Variants in PCDHGB5 observed in about 807,000 individuals in gnomAD.
PCDHGB5 encodes the protein protocadherin gamma-B5.
PCDHGB5 carries 48 observed loss-of-function variants against 62.9 expected under a neutral mutation model. The ratio of observed to expected loss-of-function variants is 0.76; its 90% CI spans 0.61 to 0.97. The LOEUF (loss-of-function observed/expected upper bound fraction) is 0.97, where lower values mean the gene tolerates loss of function less well. PCDHGB5 is among the 50% of genes least tolerant of loss of function. The pLI is 0.00. For synonymous variants in PCDHGB5, 474 were observed against 511.2 expected (o/e 0.93, Z 0.98); for missense variants, 1,118 against 1,198.6 (o/e 0.93, Z 0.99).
At chr5:141,505,348 G>A (rs1414647950) in intron 2 of PCDHGB5, 45 bp from the exon 3 acceptor site, 1 of 1,613,358 alleles carries the variant, frequency 6.2e-7, no homozygotes, top group Admixed American at 1.7e-5. Context: ...GGCATGAGCT[G>A]TGCCGGCCTG....
At chr5:141,510,580 G>A (rs947369646) in intron 3 of PCDHGB5, among the ~76,000 whole-genome samples, 7 of 152,248 alleles carry the variant, frequency 4.6e-5, no homozygotes, top group South Asian at 2.1e-4. Flanking sequence ...ACTATTTTAC[G>A]TACCTGACAT....
At chr5:141,464,279 C>CA (rs373828487) in intron 1 of PCDHGB5, among the ~76,000 whole-genome samples, 31,576 of 137,520 alleles carry the variant, frequency 0.23, 3,494 homozygotes, top group African/African-American at 0.28. Context: ...AAAAAAAAAG[C>CA]AAAAAAAAAA....
Position 141,417,931 on chromosome 5 carries a change from G to C in PCDHGB5, c.2397+17407G>C, listed in dbSNP as rs551432799. The C allele has an allele frequency of 6.2e-6, 10 of 1,611,500 alleles. No homozygotes were observed. In the South Asian group the frequency reaches 9.9e-5, roughly 16 times the overall value. On this transcript the variant is annotated intron_variant, in intron 1 of 3. Transcript: ENST00000617380. ...TACTATTTCCTTTGCTGCTGCCTTT[G>C]TTCTACCCCACGCTGTGTGAGCCGA...
At chr5:141,460,483 C>G (rs2098990314) in intron 1 of PCDHGB5, among the ~76,000 whole-genome samples, 1 of 152,046 alleles carries the variant, frequency 6.6e-6, no homozygotes, top group African/African-American at 2.4e-5. Flanking sequence ...ATCCAATTGT[C>G]TCTTTGGAAA....
At position 141,490,840 on chromosome 5, in the gene PCDHGB5, G is replaced by C. The variant is rs1177428192; in HGVS notation, c.2398-3967G>C. On this transcript the variant is annotated intron_variant, in intron 1 of 3. Transcript: ENST00000617380. This position sits in a 1 kb window ranked among gnomAD's most constrained non-coding sequence, Gnocchi z 5.4. Reference sequence around the variant, plus strand: ...ATTGCTGCAGATGCTGCAGATTGTGGTGGGGGTTCGAGACTCCGGCTCTCC... The same window carrying C: ...ATTGCTGCAGATGCTGCAGATTGTGCTGGGGGTTCGAGACTCCGGCTCTCC... 2 of 1,613,900 alleles carry C rather than the reference G, an allele frequency of 1.2e-6. No homozygotes were observed. Among genetic ancestry groups the C allele is most frequent in the Middle Eastern group, 3.3e-4 (2 of 6,058 alleles).
rs1368226100 is a variant in PCDHGB5, at chr5:141,511,268, C to T, written c.*95C>T. The stretch of plus-strand genomic sequence containing the variant: ...CAGGCCTCAGAGTTTCAGGGCTAAC[C>T]CCCAGAATACTGGTAGGGGCCAAGG... On this transcript the variant is annotated 3_prime_UTR_variant, in exon 4 of 4. Coordinates refer to ENST00000617380, the MANE Select transcript of PCDHGB5 (RefSeq NM_018925.3). 1.9e-6 allele frequency: 3 copies of T among 1,546,408 alleles called. No individual in the cohort carries two copies. The highest frequency in any genetic ancestry group is 2.4e-5 in the East Asian group (1 of 41,246).
At chr5:141,410,191 C>T in intron 1 of PCDHGB5, 1 of 1,613,994 alleles carries the variant, frequency 6.2e-7, no homozygotes, top group Non-Finnish European at 8.5e-7. Context: ...TTCATCTGGT[C>T]TTCGCAGACA....
Position 141,486,316 on chromosome 5 carries a change from A to G in PCDHGB5, c.2398-8491A>G, listed in dbSNP as rs1251956899. The G allele has an allele frequency of 6.2e-7, 1 of 1,614,066 alleles. No individual in the cohort carries two copies. On this transcript the variant is annotated intron_variant, in intron 1 of 3. Transcript: ENST00000617380. This position sits in a 1 kb window ranked among gnomAD's most constrained non-coding sequence, Gnocchi z 5.0. ...GTGTGCAGGATCCAGACTCAGGGTC[A>G]AACGGAGATGTGAGCCTCCGCATTC...
intron 1 of PCDHGB5, among the ~76,000 whole-genome samples, chr5:141,464,155 C>T (rs2099076990): frequency 1.3e-5 from 2 of 151,614 alleles, no homozygotes; most frequent in African/African-American, 4.8e-5. Flanking sequence ...GTCCCAGCTA[C>T]TTGGAAGGCT....
chr5:141,415,649 A>G (rs1179309556), intron 1 of PCDHGB5: 1 of 1,597,606 alleles, frequency 6.3e-7, no homozygotes, highest in Non-Finnish European at 8.5e-7. Context: ...GTTAAAAAAA[A>G]AAAGATTGGT....
rs3074541 is a variant in PCDHGB5 at position 141,433,358 on chromosome 5, CCTATCTATCTATCTATCTATCTAT to C, written c.2397+32859_2397+32882del. 6 of 503,934 alleles carry C rather than the reference CCTATCTATCTATCTATCTATCTAT, an allele frequency of 1.2e-5. No homozygotes were observed. In the Admixed American group the frequency reaches 1.5e-4, roughly 12 times the overall value. The allele number at this position is 503,934 out of a possible 1,614,324, so 31.2% of individuals were successfully genotyped here. ...ACAGGTGCAAGCCACCTACTGTCTG[CCTATCTATCTATCTATCTATCTAT>C]CTATCTATCTATCTATCTATCTATT... On this transcript the variant is annotated intron_variant, in intron 1 of 3. Transcript: ENST00000617380.
chr5:141,450,568 C>A (rs2098685790), intron 1 of PCDHGB5, among the ~76,000 whole-genome samples: 1 of 152,002 alleles, frequency 6.6e-6, no homozygotes. Flanking sequence ...CTCACTGCAA[C>A]TTCTGCCTCC....
chr5:141,446,821 T>C lies in PCDHGB5; in HGVS notation c.2397+46297T>C, dbSNP rs183143971. ...CATTGTGATCATCTAGTCAGATGGG[T>C]AGATCCTTATAAGGCTGAGCATAAT... On this transcript the variant is annotated intron_variant, in intron 1 of 3. Coordinates refer to ENST00000617380, the MANE Select transcript of PCDHGB5 (RefSeq NM_018925.3). 1.6e-3 allele frequency among the ~76,000 whole-genome samples: 244 copies of C among 152,302 alleles called. 2 individuals carry two copies. The highest frequency in any genetic ancestry group is 5.4e-3 in the African/African-American group (223 of 41,572).
intron 1 of PCDHGB5, among the ~76,000 whole-genome samples, chr5:141,401,385 T>A (rs965055223): frequency 6.6e-6 from 1 of 152,182 alleles, no homozygotes; most frequent in Non-Finnish European, 1.5e-5. Flanking sequence ...AGAAAAATAC[T>A]ACATGTTATG....
intron 1 of PCDHGB5, among the ~76,000 whole-genome samples, chr5:141,483,361 A>C (rs752805137): frequency 4.6e-5 from 7 of 152,102 alleles, no homozygotes; most frequent in Non-Finnish European, 7.4e-5. Flanking sequence ...TTTGAAAGCT[A>C]TTGCAATATT....
chr5:141,443,163 T>C (rs1054542792), intron 1 of PCDHGB5, among the ~76,000 whole-genome samples: 3 of 152,172 alleles, frequency 2.0e-5, no homozygotes, highest in Non-Finnish European at 4.4e-5. Context: ...TTTATTTCCC[T>C]ACCCATGTCC....
Position 141,511,285 on chromosome 5 carries a change from G to C in PCDHGB5, c.*112G>C. On this transcript the variant is annotated 3_prime_UTR_variant, in exon 4 of 4. Coordinates refer to ENST00000617380, the MANE Select transcript of PCDHGB5 (RefSeq NM_018925.3). Reference sequence around the variant, plus strand: ...GGGCTAACCCCCAGAATACTGGTAGGGGCCAAGGCCATGCTCCCCTTGGGA... The same window carrying C: ...GGGCTAACCCCCAGAATACTGGTAGCGGCCAAGGCCATGCTCCCCTTGGGA... 1 of 1,521,904 alleles carries C rather than the reference G, an allele frequency of 6.6e-7. No homozygotes were observed. The highest frequency in any genetic ancestry group is 8.8e-7 in the Non-Finnish European group (1 of 1,131,664). 94.3% of individuals were successfully genotyped at this position (1,521,904 alleles called of 1,614,324 possible).
chr5:141,414,751 T>C (rs2095785645), intron 1 of PCDHGB5: 4 of 1,614,084 alleles, frequency 2.5e-6, no homozygotes, highest in Non-Finnish European at 1.7e-6. Flanking sequence ...ATCCTTCGAC[T>C]ATGAGCAGTT....
At chr5:141,423,025 G>A in intron 1 of PCDHGB5, 1 of 1,614,222 alleles carries the variant, frequency 6.2e-7, no homozygotes, top group Non-Finnish European at 8.5e-7. Context: ...CAAAGATTCA[G>A]GCCAGAACGC....
Sources: gnomAD v4.1 joint callset for allele counts (sites outside exome capture counted in the v4.1 genomes callset) on GRCh38, gnomAD v4.1.1 for gene constraint, Gnocchi (gnomAD v3.1) non-coding constraint, MANE v1.5 for transcripts, NCBI Gene and HGNC (gene_info 2026-07-23, HGNC 2026-07-21) for gene names.